VSIG10: variants seen among roughly 807,000 people sequenced by gnomAD.
VSIG10 encodes V-set and immunoglobulin domain-containing protein 10.
A neutral mutation model predicts 58.7 loss-of-function variants in VSIG10; 48 were observed. The observed-to-expected ratio is 0.82, with a 90% CI of 0.65 to 1.04. The LOEUF is 1.04. Among genes scored for constraint, VSIG10 ranks in the 50% least tolerant of loss-of-function variants. The pLI, the probability that VSIG10 is intolerant of heterozygous loss-of-function variation, is 0.00. For synonymous variants in VSIG10, 260 were observed against 267.1 expected, an observed-to-expected ratio of 0.97 and a Z score of 0.26; for missense variants, 628 against 670.0, an observed-to-expected ratio of 0.94 and a Z score of 0.69.
chr12:118,090,061 T>C (rs563732305), intron 2 of VSIG10, among the ~76,000 whole-genome samples: 1 of 152,278 alleles, frequency 6.6e-6, no homozygotes, highest in East Asian at 1.9e-4. Context: ...ACGCCTGTAA[T>C]CCCACACTTT....
intron 5 of VSIG10, among the ~76,000 whole-genome samples, chr12:118,072,593 C>A (rs1324971262): frequency 6.6e-6 from 1 of 152,014 alleles, no homozygotes; most frequent in Admixed American, 6.6e-5. Flanking sequence ...TGTGGTGGCT[C>A]ATGCTTGCAA....
intron 2 of VSIG10, among the ~76,000 whole-genome samples, chr12:118,094,239 C>T (rs2033380902): frequency 1.3e-5 from 2 of 151,958 alleles, no homozygotes; most frequent in Non-Finnish European, 2.9e-5. Flanking sequence ...ACTACAGTCC[C>T]ACACCACCGC....
chr12:118,068,292 C>T, intron 8 of VSIG10, 85 bp downstream of exon 8: 1 of 1,429,580 alleles, frequency 7.0e-7, no homozygotes, highest in African/African-American at 1.4e-5. Context: ...ACCTTGGCCT[C>T]CCAAAGTGCT....
At chr12:118,098,862 T>TTA (rs2033546148) in intron 1 of VSIG10, among the ~76,000 whole-genome samples, 1 of 151,718 alleles carries the variant, frequency 6.6e-6, no homozygotes, top group Non-Finnish European at 1.5e-5. Flanking sequence ...GCCCTTTGTG[T>TTA]TTTATTTATT....
chr12:118,073,906 G>A lies in VSIG10; in HGVS notation c.1012C>T (p.Pro338Ser). Residue 338 changes from proline (P) to serine (S), a missense_variant, in exon 5 of 9, where the codon CCC (proline) becomes TCC (serine). Physicochemically the swap from Pro to Ser is moderately conservative, Grantham distance 74. Transcript: ENST00000359236. Reference sequence around the variant, plus strand: ...CTCAGCCACAGGATCTTGGCAGGGGGGTAGGCCCCAGACACCTGGCATGTA... The same window carrying A: ...CTCAGCCACAGGATCTTGGCAGGGGAGTAGGCCCCAGACACCTGGCATGTA... The part of the protein sequence containing the change: ...TLTCQVSGAY[P>S]PAKILWLRNL... 3 of 1,613,704 alleles carry A rather than the reference G, an allele frequency of 1.9e-6. No individual in the cohort carries two copies. Among genetic ancestry groups the A allele is most frequent in the Non-Finnish European group, 2.5e-6 (3 of 1,179,720 alleles).
At chr12:118,076,872 T>G (rs1158486968) in intron 4 of VSIG10, among the ~76,000 whole-genome samples, 1 of 152,086 alleles carries the variant, frequency 6.6e-6, no homozygotes, top group Non-Finnish European at 1.5e-5. Context: ...TTGCCCAGGC[T>G]GGTCTCGAAT....
intron 2 of VSIG10, among the ~76,000 whole-genome samples, chr12:118,084,955 C>T (rs2137910513): frequency 1.3e-5 from 2 of 152,190 alleles, no homozygotes; most frequent in Middle Eastern, 6.8e-3. Context: ...GGAGGCGGAG[C>T]TTGCAGTGAG....
intron 5 of VSIG10, among the ~76,000 whole-genome samples, chr12:118,072,473 AAAAG>A (rs1334877494): frequency 3.7e-4 from 56 of 151,728 alleles, no homozygotes; most frequent in Middle Eastern, 3.4e-3. Flanking sequence ...TCAAAAAAAA[AAAAG>A]AAAGAAAGAG....
chr12:118,066,602 G>A lies in VSIG10; in HGVS notation c.*37C>T, dbSNP rs754227208. The A allele has an allele frequency of 2.5e-6, 4 of 1,611,988 alleles. No individual in the cohort carries two copies. The highest frequency in any genetic ancestry group is 3.4e-6 in the Non-Finnish European group (4 of 1,178,140). Reference sequence around the variant, plus strand: ...GCTCGTCTTCAATGTAGCTCTCCAAGCTTTCAGAGCAAGACAACCATGGAC... The same window carrying A: ...GCTCGTCTTCAATGTAGCTCTCCAAACTTTCAGAGCAAGACAACCATGGAC... On this transcript the variant is annotated 3_prime_UTR_variant, in exon 9 of 9. Coordinates refer to ENST00000359236, the MANE Select transcript of VSIG10 (RefSeq NM_019086.6).
intron 7 of VSIG10, among the ~76,000 whole-genome samples, chr12:118,070,566 A>G (rs913666236): frequency 2.0e-5 from 3 of 149,108 alleles, no homozygotes; most frequent in African/African-American, 7.4e-5. Flanking sequence ...AAAAAAAAAG[A>G]AAAAAGAAAA....
chr12:118,095,288 G>A (rs1416422712), intron 2 of VSIG10, among the ~76,000 whole-genome samples: 1 of 151,748 alleles, frequency 6.6e-6, no homozygotes, highest in Non-Finnish European at 1.5e-5. Context: ...TGATCCGCCC[G>A]GCTTGGCCTG....
chr12:118,080,772 C>T (rs2032921033), intron 3 of VSIG10, among the ~76,000 whole-genome samples: 1 of 152,124 alleles, frequency 6.6e-6, no homozygotes, highest in African/African-American at 2.4e-5. Flanking sequence ...AAGCCAGACA[C>T]AAAAAGCCCC....
intron 1 of VSIG10, among the ~76,000 whole-genome samples, chr12:118,097,826 G>C (rs2033508038): frequency 6.6e-6 from 1 of 152,102 alleles, no homozygotes; most frequent in African/African-American, 2.4e-5. Flanking sequence ...GGGAGGCTGA[G>C]GCAGGGGAAT....
rs542918247 is a variant in VSIG10, at chr12:118,096,500, C to T, written c.80-686G>A. On this transcript the variant is annotated intron_variant, in intron 1 of 8. Transcript: ENST00000359236. ...GGCTGAAGCAGGAGAATCGCTTGAA[C>T]CTGGGAAGCAGAGGTTGCGCTGAGC... 2.0e-5 allele frequency among the ~76,000 whole-genome samples: 3 copies of T among 151,110 alleles called. No homozygotes were observed. The South Asian group carries it at 6.3e-4, about 32-fold the overall frequency.
At chr12:118,074,079 T>C (rs2032615025) in intron 4 of VSIG10, 87 bp from the exon 5 acceptor site, 2 of 1,365,484 alleles carry the variant, frequency 1.5e-6, no homozygotes, top group African/African-American at 1.5e-5. Context: ...AGTAGTTTTT[T>C]GTTTTGTTTT....
chr12:118,079,595 A>T lies in VSIG10; in HGVS notation c.676T>A (p.Ser226Thr), dbSNP rs1220372003. 6.2e-7 allele frequency: 1 copy of T among 1,613,828 alleles called. No individual in the cohort carries two copies. Among genetic ancestry groups the T allele is most frequent in the Non-Finnish European group, 8.5e-7 (1 of 1,179,882 alleles). ...TELLVYYPPP[S>T]APQCWAQMAS... ...ATCTGTGCCCAGCACTGGGGAGCTG[A>T]TGGAGGGGGATCTGCAAAACACCAG... is the stretch of plus-strand genomic sequence containing the variant. Residue 226 changes from serine (S) to threonine (T), a missense_variant, in exon 4 of 9, where the codon TCA (serine) becomes ACA (threonine). Coordinates refer to ENST00000359236, the MANE Select transcript of VSIG10 (RefSeq NM_019086.6).
At position 118,096,664 on chromosome 12, in the gene VSIG10, G is replaced by A. The variant is rs568386186; in HGVS notation, c.80-850C>T. On this transcript the variant is annotated intron_variant, in intron 1 of 8. Coordinates refer to ENST00000359236, the MANE Select transcript of VSIG10 (RefSeq NM_019086.6). ...CTGAGGCAGGAGAATCACTTGATCC[G>A]CCGGCCTCGGCCTCCCAAAGTGCTG... 1.5e-3 allele frequency among the ~76,000 whole-genome samples: 232 copies of A among 150,730 alleles called. 1 individual carries two copies. Among genetic ancestry groups the A allele is most frequent in the Admixed American group, 4.9e-3 (74 of 15,170 alleles).
chr12:118,085,734 C>T (rs1210707631), intron 2 of VSIG10, among the ~76,000 whole-genome samples: 2 of 149,956 alleles, frequency 1.3e-5, no homozygotes, highest in African/African-American at 2.5e-5. Context: ...TGGTGATGCA[C>T]GCCTGTAGTC....
Position 118,103,785 on chromosome 12 carries a change from G to C in VSIG10, c.-114C>G. On this transcript the variant is annotated 5_prime_UTR_variant, in exon 1 of 9. Coordinates refer to ENST00000359236, the MANE Select transcript of VSIG10 (RefSeq NM_019086.6). ...CTCCTCCCAGGTCCTCGGAACGGCAGAGTGGCCCCACTTCCTCGGCCCCCA... is the reference window on the plus strand; with the variant it reads ...CTCCTCCCAGGTCCTCGGAACGGCACAGTGGCCCCACTTCCTCGGCCCCCA... 9.6e-7 allele frequency: 1 copy of C among 1,037,114 alleles called. No homozygotes were observed. Among genetic ancestry groups the C allele is most frequent in the Non-Finnish European group, 1.3e-6 (1 of 770,762 alleles). 64.2% of individuals were successfully genotyped at this position (1,037,114 alleles called of 1,614,324 possible). A position where few individuals can be genotyped will look rare whatever the true frequency, so the allele number is the denominator to read the frequency against.
Sources: gnomAD v4.1 joint callset for allele counts (sites outside exome capture counted in the v4.1 genomes callset) on GRCh38, gnomAD v4.1.1 for gene constraint, MANE v1.5 for transcripts, NCBI Gene and HGNC (gene_info 2026-07-23, HGNC 2026-07-21) for gene names.